ASTN1: variants seen among roughly 807,000 people sequenced by gnomAD.
ASTN1 encodes the protein astrotactin 1.
ASTN1 carries 41 observed loss-of-function variants against 140.7 expected under a neutral mutation model. The observed-to-expected ratio is 0.29, with a 90% CI of 0.23 to 0.38. ASTN1 has a LOEUF of 0.38. Among genes scored for constraint, ASTN1 ranks in the 10% least tolerant of loss-of-function variants. ASTN1 has a pLI of 1.00. For synonymous variants in ASTN1, 640 were observed against 652.2 expected (o/e 0.98, Z 0.29); for missense variants, 1,479 against 1,678.8 (o/e 0.88, Z 2.08).
chr1:176,970,731 G>GTT (rs1553235891), intron 8 of ASTN1, among the ~76,000 whole-genome samples: 1 of 147,140 alleles, frequency 6.8e-6, no homozygotes, highest in Non-Finnish European at 1.5e-5. Context: ...TGTGGGTATG[G>GTT]GTGTGTGTGT....
At chr1:176,888,556 T>A (rs1669137876) in intron 17 of ASTN1, among the ~76,000 whole-genome samples, 1 of 152,208 alleles carries the variant, frequency 6.6e-6, no homozygotes, top group African/African-American at 2.4e-5. Flanking sequence ...ACCACACATC[T>A]TCTGGGTGGC....
intron 8 of ASTN1, among the ~76,000 whole-genome samples, chr1:177,002,549 T>C (rs1378563647): frequency 6.6e-6 from 1 of 152,232 alleles, no homozygotes. Flanking sequence ...TTCTTCTTTT[T>C]GCTGTTTTGT....
intron 16 of ASTN1, 105 bp downstream of exon 16, chr1:176,934,047 G>T: frequency 1.6e-6 from 2 of 1,220,758 alleles, no homozygotes; most frequent in Non-Finnish European, 2.2e-6. Context: ...GGGAAAATCT[G>T]ATTGAGTCGT....
At chr1:177,007,205 C>A (rs1349901590) in intron 8 of ASTN1, among the ~76,000 whole-genome samples, 1 of 152,012 alleles carries the variant, frequency 6.6e-6, no homozygotes, top group East Asian at 1.9e-4. Flanking sequence ...ACCAGCCTGA[C>A]CAACATGGAG....
intron 1 of ASTN1, among the ~76,000 whole-genome samples, chr1:177,135,587 C>G (rs1558120668): frequency 6.6e-6 from 1 of 152,114 alleles, no homozygotes; most frequent in Non-Finnish European, 1.5e-5. Flanking sequence ...AAAAATTGTG[C>G]AGCAAAGTGA....
chr1:177,109,877 T>A (rs755073613), intron 1 of ASTN1, among the ~76,000 whole-genome samples: 1 of 152,224 alleles, frequency 6.6e-6, no homozygotes, highest in African/African-American at 2.4e-5. Flanking sequence ...CTTTCCAATT[T>A]CCAATCTTCT....
chr1:177,039,450 G>A (rs1420455739), intron 2 of ASTN1, among the ~76,000 whole-genome samples: 1 of 152,168 alleles, frequency 6.6e-6, no homozygotes, highest in East Asian at 1.9e-4. Flanking sequence ...AACAAGAACA[G>A]AAAACTGTGC....
chr1:177,058,262 G>C (rs1353319650), intron 2 of ASTN1, among the ~76,000 whole-genome samples: 2 of 152,134 alleles, frequency 1.3e-5, no homozygotes, highest in African/African-American at 4.8e-5. Flanking sequence ...AGGCCTTCCT[G>C]ATTTTTTTAT....
intron 1 of ASTN1, among the ~76,000 whole-genome samples, chr1:177,116,270 T>C (rs1281688463): frequency 6.6e-6 from 1 of 152,182 alleles, no homozygotes; most frequent in Non-Finnish European, 1.5e-5. Flanking sequence ...AAAGAGATAA[T>C]TATTAGCAAG....
intron 8 of ASTN1, among the ~76,000 whole-genome samples, chr1:176,995,972 G>C (rs1674420314): frequency 6.6e-6 from 1 of 152,098 alleles, no homozygotes; most frequent in African/African-American, 2.4e-5. Flanking sequence ...CCTGAGATCT[G>C]GATTCAATGC....
intron 8 of ASTN1, among the ~76,000 whole-genome samples, chr1:176,990,921 T>C (rs1348321215): frequency 3.9e-5 from 6 of 152,190 alleles, no homozygotes; most frequent in Non-Finnish European, 8.8e-5. Context: ...TTTTTATCAT[T>C]TAGATATTAA....
intron 2 of ASTN1, among the ~76,000 whole-genome samples, chr1:177,059,004 C>A (rs908576598): frequency 2.0e-5 from 3 of 152,192 alleles, no homozygotes; most frequent in Non-Finnish European, 4.4e-5. Flanking sequence ...CCTCCCTAGA[C>A]TCCCCTTCTG....
intron 8 of ASTN1, among the ~76,000 whole-genome samples, chr1:176,985,063 T>C (rs2101887393): frequency 6.6e-6 from 1 of 152,328 alleles, no homozygotes; most frequent in South Asian, 2.1e-4. Context: ...TCATGTCCCA[T>C]AAGTTCTCTT....
At chr1:177,161,178 C>A (rs551196666) in intron 1 of ASTN1, among the ~76,000 whole-genome samples, 223 of 152,272 alleles carry the variant, frequency 1.5e-3, no homozygotes, top group Middle Eastern at 3.4e-3. Flanking sequence ...TCAATGCTTT[C>A]TATGTCAAGT....
intron 8 of ASTN1, among the ~76,000 whole-genome samples, chr1:176,968,265 T>C (rs1344769726): frequency 6.6e-6 from 1 of 152,240 alleles, no homozygotes; most frequent in Admixed American, 6.5e-5. Context: ...TAGAATCATT[T>C]GTTAAATAAG....
rs149671325 is a variant in ASTN1, at chr1:176,864,433, T to C, written c.3736A>G (p.Ser1246Gly). ...LQEPKISLRR[S>G]SLKYLGCRYS... ...CGGCACCCCAGGTACTTGAGTGAGC[T>C]GCGCCGCAAGCTTATCTTGGGTTCC... The change falls in exon 23 of 23, where the codon AGC becomes GGC. Residue 1246 changes from serine to glycine, a missense_variant. Around this residue, in one of 3 missense-constraint regions of ASTN1, gnomAD observed 746 missense variants for 800.9 expected, o/e 0.93. Transcript: ENST00000361833. 2.5e-6 allele frequency: 4 copies of C among 1,614,030 alleles called. No individual in the cohort carries two copies. The African/African-American group carries it at 5.3e-5, about 22-fold the overall frequency.
chr1:176,887,944 C>T, intron 18 of ASTN1, 127 bp downstream of exon 18: 1 of 1,322,198 alleles, frequency 7.6e-7, no homozygotes, highest in African/African-American at 1.5e-5. Context: ...AGATTGAAAG[C>T]TCTCTAAAGG....
chr1:177,158,823 C>T (rs1381058857), intron 1 of ASTN1, among the ~76,000 whole-genome samples: 2 of 149,968 alleles, frequency 1.3e-5, no homozygotes, highest in East Asian at 3.9e-4. Context: ...TTTGGGAGGC[C>T]GAGGTGGGTG....
intron 1 of ASTN1, among the ~76,000 whole-genome samples, chr1:177,069,323 G>A (rs1678517949): frequency 6.6e-6 from 1 of 152,130 alleles, no homozygotes; most frequent in Admixed American, 6.5e-5. Flanking sequence ...TGTAGAACTA[G>A]ACTCTAAAAA....
Sources: gnomAD v4.1 joint callset for allele counts (sites outside exome capture counted in the v4.1 genomes callset) on GRCh38, gnomAD v4.1.1 for gene constraint, gnomAD v4.1.1 regional missense constraint, MANE v1.5 for transcripts, NCBI Gene and HGNC (gene_info 2026-07-23, HGNC 2026-07-21) for gene names.